CLNK: variants seen among roughly 807,000 people sequenced by gnomAD.
CLNK encodes cytokine dependent hematopoietic cell linker.
Under a neutral mutation model 68.6 loss-of-function variants are expected in CLNK, and 74 were observed. That is an observed-to-expected ratio of 1.08 (90% confidence interval 0.89 to 1.31). The LOEUF (loss-of-function observed/expected upper bound fraction) is 1.31. CLNK is among the 50% of genes most tolerant of loss of function. CLNK has a pLI of 0.00. For missense variants in CLNK, 553 were observed against 515.3 expected, an observed-to-expected ratio of 1.07 and a Z score of -0.71; for synonymous variants, 198 against 172.2, an observed-to-expected ratio of 1.15 and a Z score of -1.17.
At chr4:10,715,897 G>A in the CLNK span, among the ~76,000 whole-genome samples, 9 of 152,170 alleles carry the variant, frequency 5.9e-5, no homozygotes, top group Admixed American at 3.3e-4. Context: ...TGCATTAAGA[G>A]CTCGTAGCTG....
chr4:10,693,330 A>G, the CLNK span, among the ~76,000 whole-genome samples: 1 of 152,234 alleles, frequency 6.6e-6, no homozygotes, highest in Admixed American at 6.5e-5. Flanking sequence ...TCAAGTTAAG[A>G]TGAAATCACT....
chr4:10,530,258 C>T (rs1447130499), intron 12 of CLNK, among the ~76,000 whole-genome samples: 1 of 152,120 alleles, frequency 6.6e-6, no homozygotes, highest in African/African-American at 2.4e-5. Context: ...TCTCTTAGGG[C>T]TTTGTGAGTA....
intron 15 of CLNK, among the ~76,000 whole-genome samples, chr4:10,519,444 T>C (rs1445284239): frequency 6.6e-6 from 1 of 152,222 alleles, no homozygotes; most frequent in Non-Finnish European, 1.5e-5. Context: ...TGGACTTTCC[T>C]CCTGGATGCT....
intron 3 of CLNK, 50 bp from the exon 4 acceptor site, chr4:10,585,005 C>T (rs778010181): frequency 2.5e-5 from 40 of 1,597,556 alleles, no homozygotes; most frequent in South Asian, 5.6e-5. Flanking sequence ...CCACCTCCAC[C>T]GACCCCCCGC....
chr4:10,585,448 C>T (rs961584923), intron 3 of CLNK, among the ~76,000 whole-genome samples: 15 of 152,216 alleles, frequency 9.9e-5, no homozygotes, highest in African/African-American at 3.6e-4. Flanking sequence ...AGGCAAACGC[C>T]GAGCTGTAAC....
intron 8 of CLNK, among the ~76,000 whole-genome samples, chr4:10,542,656 A>ATGTG (rs140035866): frequency 8.7e-4 from 115 of 132,192 alleles, no homozygotes; most frequent in Middle Eastern, 3.7e-3. Flanking sequence ...GTGTGTGTGT[A>ATGTG]TGTGTGTGTG....
chr4:10,635,867 G>A (rs971893691), intron 2 of CLNK: 3 of 152,310 alleles, frequency 2.0e-5, no homozygotes, highest in Middle Eastern at 3.4e-3. Context: ...TCTAGACTAC[G>A]CTCTTCTGCA....
At chr4:10,532,189 G>T in intron 12 of CLNK, 67 bp downstream of exon 12, 1 of 1,125,290 alleles carries the variant, frequency 8.9e-7, no homozygotes, top group Non-Finnish European at 1.3e-6. Context: ...ATAGAATCTT[G>T]CCTATTGCAG....
At chr4:10,694,272 T>C in the CLNK span, among the ~76,000 whole-genome samples, 1 of 151,420 alleles carries the variant, frequency 6.6e-6, no homozygotes, top group Non-Finnish European at 1.5e-5. Context: ...AGTATGGGCC[T>C]TCAGCTTAGT....
chr4:10,707,927 G>A, the CLNK span, among the ~76,000 whole-genome samples: 1 of 152,208 alleles, frequency 6.6e-6, no homozygotes, highest in South Asian at 2.1e-4. Flanking sequence ...TGCAGAGGAT[G>A]TCTTAGACCC....
intron 18 of CLNK, among the ~76,000 whole-genome samples, chr4:10,495,940 C>T (rs1447244042): frequency 1.3e-5 from 2 of 152,152 alleles, no homozygotes; most frequent in Admixed American, 6.5e-5. Flanking sequence ...TGGAAGAGGC[C>T]AGGAGTGATT....
intron 2 of CLNK, among the ~76,000 whole-genome samples, chr4:10,619,891 C>A (rs1722368842): frequency 1.3e-5 from 2 of 152,082 alleles, no homozygotes; most frequent in Non-Finnish European, 2.9e-5. Flanking sequence ...TGCTACAGGC[C>A]AGACTCTTCT....
chr4:10,732,358 G>T, the CLNK span, among the ~76,000 whole-genome samples: 1 of 152,192 alleles, frequency 6.6e-6, no homozygotes, highest in Non-Finnish European at 1.5e-5. Context: ...CAAAGGCCCT[G>T]TGGTGAGAGA....
rs1049836186 is a variant in CLNK at position 10,625,761 on chromosome 4, G to A, written c.12-27712C>T. 5.3e-5 allele frequency among the ~76,000 whole-genome samples: 8 copies of A among 152,142 alleles called. No individual in the cohort carries two copies. The East Asian group carries it at 1.5e-3, about 29-fold the overall frequency. ...AAATAGAGAGACAGAGAGTGACAGAGACAGAGGCAGAGATAGACAGGAAGA... is the reference window on the plus strand; with the variant it reads ...AAATAGAGAGACAGAGAGTGACAGAAACAGAGGCAGAGATAGACAGGAAGA... On this transcript the variant is annotated intron_variant, in intron 2 of 18. Coordinates refer to ENST00000226951, the MANE Select transcript of CLNK (RefSeq NM_052964.4).
At chr4:10,605,695 G>T (rs1336730573) in intron 2 of CLNK, among the ~76,000 whole-genome samples, 1 of 151,762 alleles carries the variant, frequency 6.6e-6, no homozygotes. Flanking sequence ...GGGCGTGGTG[G>T]TGCACACCTG....
chr4:10,554,733 G>C (rs1046782414), intron 8 of CLNK, among the ~76,000 whole-genome samples: 21 of 152,110 alleles, frequency 1.4e-4, no homozygotes, highest in African/African-American at 5.1e-4. Context: ...CTGCAACCTC[G>C]GGCGTGTTTT....
intron 2 of CLNK, among the ~76,000 whole-genome samples, chr4:10,653,118 C>G (rs1723819502): frequency 6.6e-6 from 1 of 152,116 alleles, no homozygotes; most frequent in African/African-American, 2.4e-5. Flanking sequence ...CATGTTCTCA[C>G]TCATAAGTGG....
the CLNK span, among the ~76,000 whole-genome samples, chr4:10,727,956 C>T: frequency 2.0e-5 from 3 of 152,282 alleles, no homozygotes; most frequent in East Asian, 1.9e-4. Flanking sequence ...ATTCTGCATA[C>T]TGTGCTCAAG....
intron 4 of CLNK, among the ~76,000 whole-genome samples, chr4:10,581,202 A>G (rs780021481): frequency 1.3e-5 from 2 of 152,170 alleles, no homozygotes; most frequent in African/African-American, 2.4e-5. Context: ...AGGTTACACA[A>G]TCTAGGTTTG....
Sources: gnomAD v4.1 joint callset for allele counts (sites outside exome capture counted in the v4.1 genomes callset) on GRCh38, gnomAD v4.1.1 for gene constraint, MANE v1.5 for transcripts, NCBI Gene and HGNC (gene_info 2026-07-23, HGNC 2026-07-21) for gene names.